B3GLCT: variants seen among roughly 807,000 people sequenced by gnomAD.
B3GLCT encodes beta-1,3-glucosyltransferase.
Under a neutral mutation model 63.4 loss-of-function variants are expected in B3GLCT, and 65 were observed. The ratio of observed to expected loss-of-function variants is 1.03; its 90% CI spans 0.84 to 1.26. B3GLCT has a LOEUF of 1.26. Ranked by LOEUF, B3GLCT falls within the 50% of genes most tolerant of loss-of-function variation. The pLI is 0.00. For synonymous variants in B3GLCT, 233 were observed against 219.2 expected, an observed-to-expected ratio of 1.06 and a Z score of -0.55; for missense variants, 577 against 604.8, an observed-to-expected ratio of 0.95 and a Z score of 0.48.
intron 1 of B3GLCT, among the ~76,000 whole-genome samples, chr13:31,208,840 A>G (rs746123087): frequency 2.0e-4 from 30 of 151,386 alleles, no homozygotes; most frequent in South Asian, 8.4e-4. Flanking sequence ...TGACTCCCCA[A>G]TACCACCCCC....
At chr13:31,292,324 T>TA (rs1236278908) in intron 12 of B3GLCT, among the ~76,000 whole-genome samples, 1 of 152,230 alleles carries the variant, frequency 6.6e-6, no homozygotes, top group African/African-American at 2.4e-5. Flanking sequence ...GCTGGCCTTA[T>TA]AAAATGAGTT....
intron 13 of B3GLCT, among the ~76,000 whole-genome samples, chr13:31,318,495 A>G (rs1013303062): frequency 6.6e-6 from 1 of 152,182 alleles, no homozygotes; most frequent in East Asian, 1.9e-4. Context: ...TGTTTAGCCA[A>G]TACAGTGGTG....
chr13:31,258,816 C>G (rs1286245327), intron 6 of B3GLCT, among the ~76,000 whole-genome samples: 1 of 152,178 alleles, frequency 6.6e-6, no homozygotes, highest in Non-Finnish European at 1.5e-5. Context: ...CTTCCTGAGT[C>G]TACAACTTGA....
At chr13:31,275,626 G>A (rs1872747372) in intron 9 of B3GLCT, among the ~76,000 whole-genome samples, 1 of 152,088 alleles carries the variant, frequency 6.6e-6, no homozygotes, top group Non-Finnish European at 1.5e-5. Context: ...CAGACCCAAG[G>A]TCCAGCCCCA....
At position 31,274,619 on chromosome 13, in the gene B3GLCT, A is replaced by C. The variant is rs368566969; in HGVS notation, c.771A>C (p.Leu257=). The change falls in exon 9 of 15, where the codon CTA becomes CTC. Residue 257 remains leucine (L), a synonymous_variant. Coordinates refer to ENST00000343307, the MANE Select transcript of B3GLCT (RefSeq NM_194318.4). ...GTGCTACCACATTCCATTCTTTTCTACCGCTTTGTGTGAGTAACAGAAGAA... is the reference window on the plus strand; with the variant it reads ...GTGCTACCACATTCCATTCTTTTCTCCCGCTTTGTGTGAGTAACAGAAGAA... ...FYCATTFHSF[L]PLCRKPVKKK... 2 of 1,613,988 alleles carry C rather than the reference A, an allele frequency of 1.2e-6. No individual in the cohort carries two copies. Among genetic ancestry groups the C allele is most frequent in the African/African-American group, 1.3e-5 (1 of 74,900 alleles).
chr13:31,298,397 G>C (rs1874062456), intron 12 of B3GLCT, among the ~76,000 whole-genome samples: 1 of 152,104 alleles, frequency 6.6e-6, no homozygotes, highest in Admixed American at 6.5e-5. Context: ...ATGTTTCCCA[G>C]AGTGAGTCCA....
chr13:31,263,409 A>G (rs1872138864), intron 7 of B3GLCT, among the ~76,000 whole-genome samples: 1 of 152,162 alleles, frequency 6.6e-6, no homozygotes, highest in Non-Finnish European at 1.5e-5. Flanking sequence ...TGGCATCCCT[A>G]TATAGGGCAG....
intron 3 of B3GLCT, among the ~76,000 whole-genome samples, chr13:31,226,427 C>A (rs940450175): frequency 1.3e-5 from 2 of 152,174 alleles, no homozygotes; most frequent in African/African-American, 4.8e-5. Context: ...ATACAACTCA[C>A]AGGACATGAC....
At chr13:31,328,397 T>C (rs1875738645) in intron 14 of B3GLCT, among the ~76,000 whole-genome samples, 2 of 152,036 alleles carry the variant, frequency 1.3e-5, no homozygotes, top group South Asian at 4.1e-4. Flanking sequence ...AATAAACAAA[T>C]TTAAGATGAT....
intron 12 of B3GLCT, among the ~76,000 whole-genome samples, chr13:31,287,856 G>A (rs567404313): frequency 4.7e-4 from 72 of 152,222 alleles, no homozygotes; most frequent in Non-Finnish European, 8.5e-4. Context: ...TCTTGATTGA[G>A]GTGAAAAACC....
chr13:31,261,248 T>C (rs565032858), intron 7 of B3GLCT, among the ~76,000 whole-genome samples, 166 bp downstream of exon 7: 2 of 152,346 alleles, frequency 1.3e-5, no homozygotes, highest in South Asian at 4.1e-4. Flanking sequence ...GGGTTTCTGC[T>C]TCAGCGCTGT....
At chr13:31,317,196 C>T (rs767731485) in intron 12 of B3GLCT, among the ~76,000 whole-genome samples, 2 of 152,166 alleles carry the variant, frequency 1.3e-5, no homozygotes. Flanking sequence ...TTAGTTCACA[C>T]TCACTTGAAA....
intron 8 of B3GLCT, among the ~76,000 whole-genome samples, chr13:31,273,199 A>G (rs933418513): frequency 1.3e-5 from 2 of 152,114 alleles, no homozygotes; most frequent in Admixed American, 6.5e-5. Context: ...GGTTCAAGCA[A>G]TTCTTCTGCC....
At chr13:31,236,787 A>T (rs887614685) in intron 4 of B3GLCT, among the ~76,000 whole-genome samples, 4 of 152,162 alleles carry the variant, frequency 2.6e-5, no homozygotes, top group Admixed American at 6.5e-5. Flanking sequence ...TTTATGCCAC[A>T]TGTATGATTA....
At chr13:31,281,331 C>T (rs999347813) in intron 10 of B3GLCT, among the ~76,000 whole-genome samples, 2 of 151,998 alleles carry the variant, frequency 1.3e-5, no homozygotes, top group African/African-American at 2.4e-5. Flanking sequence ...GTGGTCTTGT[C>T]TAGAGGCAAA....
intron 4 of B3GLCT, among the ~76,000 whole-genome samples, chr13:31,243,477 T>G (rs1871048828): frequency 1.3e-5 from 2 of 152,218 alleles, no homozygotes; most frequent in South Asian, 4.1e-4. Flanking sequence ...TAATCCATGT[T>G]CAAATGTTAG....
At chr13:31,227,996 G>T (rs188094247) in intron 3 of B3GLCT, among the ~76,000 whole-genome samples, 1 of 152,234 alleles carries the variant, frequency 6.6e-6, no homozygotes, top group Non-Finnish European at 1.5e-5. Context: ...GAGGCCTAAC[G>T]TGTTTCTCTG....
chr13:31,274,599 A>G lies in B3GLCT; in HGVS notation c.751A>G (p.Thr251Ala). 6.2e-7 allele frequency: 1 copy of G among 1,614,218 alleles called. No individual in the cohort carries two copies. The highest frequency in any genetic ancestry group is 8.5e-7 in the Non-Finnish European group (1 of 1,180,038). Residue 251 changes from threonine (T) to alanine (A), a missense_variant, in exon 9 of 15, where the codon ACC becomes GCC. Coordinates refer to ENST00000343307, the MANE Select transcript of B3GLCT (RefSeq NM_194318.4). ...CAATGACGTGGACTTCTACTGTGCT[A>G]CCACATTCCATTCTTTTCTACCGCT... ...CTNDVDFYCA[T>A]TFHSFLPLCR...
At chr13:31,321,363 C>G (rs1875320793) in intron 13 of B3GLCT, among the ~76,000 whole-genome samples, 1 of 152,188 alleles carries the variant, frequency 6.6e-6, no homozygotes, top group African/African-American at 2.4e-5. Context: ...ACCAATATGC[C>G]TTTTAACAGC....
Sources: allele counts gnomAD v4.1 joint callset (sites outside exome capture counted in the v4.1 genomes callset), GRCh38; gene constraint gnomAD v4.1.1; transcripts MANE v1.5; gene names NCBI Gene and HGNC (gene_info 2026-07-23, HGNC 2026-07-21).